The following RPL22 variants were observed in gnomAD, a reference collection of about 807,000 sequenced individuals.
RPL22 encodes the protein large ribosomal subunit protein eL22.
RPL22 carries 4 observed loss-of-function variants against 16.2 expected under a neutral mutation model. The observed-to-expected ratio is 0.25, with a 90% CI of 0.12 to 0.57. The LOEUF (loss-of-function observed/expected upper bound fraction) is 0.57. Ranked by LOEUF, RPL22 falls within the 20% of genes least tolerant of loss-of-function variation. The pLI is 0.92. For synonymous variants in RPL22, 43 were observed against 54.8 expected, an observed-to-expected ratio of 0.78 and a Z score of 0.95; for missense variants, 83 against 156.1, an observed-to-expected ratio of 0.53 and a Z score of 2.49.
Position 6,197,724 on chromosome 1 carries a change from CTT to C in RPL22, c.43_44del (p.Lys15GlufsTer9), listed in dbSNP as rs759765382. 1 of 1,611,904 alleles carries C rather than the reference CTT, an allele frequency of 6.2e-7. No homozygotes were observed. The highest frequency in any genetic ancestry group is 8.5e-7 in the Non-Finnish European group (1 of 1,178,418). On this transcript the variant is annotated frameshift_variant, in exon 2 of 4. Transcript: ENST00000234875. LOFTEE classifies it high-confidence loss of function. ...KKLVVKGGKK[K>X]KQVLKFTLDC... ...CAAGAGTGAACTTCAGAACTTGCTTCTTTTTTTTGCCCCCCTTCACCACAAGC... is the reference window on the plus strand; with the variant it reads ...CAAGAGTGAACTTCAGAACTTGCTTCTTTTTTGCCCCCCTTCACCACAAGC...
intron 1 of RPL22, 41 bp from the exon 2 acceptor site, chr1:6,197,797 T>C: frequency 1.5e-6 from 2 of 1,371,840 alleles, no homozygotes; most frequent in Non-Finnish European, 2.1e-6. Context: ...GAAGTTTCAG[T>C]CAGTCGGAAA....
chr1:6,191,439 G>T (rs866301178), intron 3 of RPL22, among the ~76,000 whole-genome samples: 2 of 148,266 alleles, frequency 1.3e-5, no homozygotes, highest in African/African-American at 2.5e-5. Context: ...AGGCCGAGGC[G>T]GGCGGATCAC....
intron 2 of RPL22, among the ~76,000 whole-genome samples, chr1:6,195,174 G>A (rs925004797): frequency 6.6e-5 from 10 of 150,984 alleles, no homozygotes; most frequent in Non-Finnish European, 1.2e-4. Flanking sequence ...GGCCAGGCGC[G>A]GTGGCTCACG....
In RPL22 at chr1:6,185,030, G is replaced by A. The variant is rs1316578860; in HGVS notation, c.*1642C>T. 1 of 319,890 alleles carries A rather than the reference G, an allele frequency of 3.1e-6. No homozygotes were observed. The highest frequency in any genetic ancestry group is 2.1e-5 in the African/African-American group (1 of 47,294). 19.8% of individuals were successfully genotyped at this position (319,890 alleles called of 1,614,324 possible). A position where few individuals can be genotyped will look rare whatever the true frequency, so the allele number is the denominator to read the frequency against. On this transcript the variant is annotated 3_prime_UTR_variant, in exon 4 of 4. Coordinates refer to ENST00000234875, the MANE Select transcript of RPL22 (RefSeq NM_000983.4). ...AAAAACAAAGCCTCGTACAGTAAGAGTAGCCAGGTGTTAGCCACTTTAATA... is the reference window on the plus strand; with the variant it reads ...AAAAACAAAGCCTCGTACAGTAAGAATAGCCAGGTGTTAGCCACTTTAATA...
At chr1:6,190,749 T>G (rs1667639194) in intron 3 of RPL22, among the ~76,000 whole-genome samples, 1 of 152,208 alleles carries the variant, frequency 6.6e-6, no homozygotes, top group African/African-American at 2.4e-5. Context: ...TATTTTAACC[T>G]CATCCTCAAA....
intron 1 of RPL22, 38 bp from the exon 2 acceptor site, chr1:6,197,794 C>G (rs749984698): frequency 1.4e-6 from 2 of 1,435,374 alleles, no homozygotes; most frequent in Non-Finnish European, 2.0e-6. Context: ...GATGAAGTTT[C>G]AGTCAGTCGG....
chr1:6,194,347 G>A (rs1040034206), intron 2 of RPL22, among the ~76,000 whole-genome samples: 1 of 152,182 alleles, frequency 6.6e-6, no homozygotes, highest in African/African-American at 2.4e-5. Context: ...CAAAGACATA[G>A]GGACTGAAAC....
chr1:6,189,706 G>A (rs1458703434), intron 3 of RPL22, among the ~76,000 whole-genome samples: 3 of 151,400 alleles, frequency 2.0e-5, no homozygotes, highest in South Asian at 4.2e-4. Context: ...GATCACCTGA[G>A]GTCAGGAGTT....
intron 3 of RPL22, among the ~76,000 whole-genome samples, chr1:6,187,616 AAAAAAAAAAAC>A (rs1165745169): frequency 1.1e-4 from 16 of 150,878 alleles, no homozygotes; most frequent in African/African-American, 3.9e-4. Flanking sequence ...TCCATCTCAA[AAAAAAAAAAAC>A]AAAAAAAAAA....
At chr1:6,189,573 A>G (rs1312114904) in intron 3 of RPL22, among the ~76,000 whole-genome samples, 1 of 151,822 alleles carries the variant, frequency 6.6e-6, no homozygotes, top group South Asian at 2.1e-4. Context: ...AAAGGAAAAA[A>G]AAAAATCCCT....
At chr1:6,193,944 G>A (rs755352759) in intron 2 of RPL22, among the ~76,000 whole-genome samples, 27 of 152,190 alleles carry the variant, frequency 1.8e-4, no homozygotes, top group Non-Finnish European at 3.1e-4. Flanking sequence ...TACAAGATAC[G>A]CCTGTAATCC....
chr1:6,191,495 G>A (rs1376588914), intron 3 of RPL22, among the ~76,000 whole-genome samples: 7 of 147,140 alleles, frequency 4.8e-5, no homozygotes, highest in African/African-American at 1.5e-4. Context: ...GTGAAACCCC[G>A]TCTCTACTAA....
chr1:6,199,030 C>T (rs3789520), intron 1 of RPL22: 41,531 of 153,190 alleles, frequency 0.27, 5,955 homozygotes, highest in African/African-American at 0.37. Flanking sequence ...TACACCACTG[C>T]AACACCCGTT....
At chr1:6,190,635 T>G (rs1392127456) in intron 3 of RPL22, among the ~76,000 whole-genome samples, 1 of 152,154 alleles carries the variant, frequency 6.6e-6, no homozygotes, top group African/African-American at 2.4e-5. Flanking sequence ...GACCTCGGCC[T>G]CCCAAAGTGC....
chr1:6,196,102 T>C (rs1667716221), intron 2 of RPL22, among the ~76,000 whole-genome samples: 1 of 152,102 alleles, frequency 6.6e-6, no homozygotes, highest in African/African-American at 2.4e-5. Flanking sequence ...ACAAAAAGTA[T>C]ACATTAACCA....
chr1:6,190,413 T>G (rs1667635583), intron 3 of RPL22, among the ~76,000 whole-genome samples: 1 of 152,242 alleles, frequency 6.6e-6, no homozygotes, highest in Admixed American at 6.5e-5. Flanking sequence ...AGAGTTTCGC[T>G]CTTGTTGCCC....
intron 3 of RPL22, among the ~76,000 whole-genome samples, chr1:6,192,008 A>G (rs1458513045): frequency 6.6e-6 from 1 of 152,038 alleles, no homozygotes; most frequent in East Asian, 1.9e-4. Flanking sequence ...CAAAAAAAAA[A>G]AAAAAAAGTA....
In RPL22 at chr1:6,185,360, C is replaced by A. The variant is rs925360124; in HGVS notation, c.*1312G>T. ...TTGAAAGAAACTCTGCTTTCTGTGA[C>A]GGCAGAGAAGAAATATGCAAGCAAT... On this transcript the variant is annotated 3_prime_UTR_variant, in exon 4 of 4. Transcript: ENST00000234875. 4 of 398,898 alleles carry A rather than the reference C, an allele frequency of 1.0e-5. No individual in the cohort carries two copies. Among genetic ancestry groups the A allele is most frequent in the Non-Finnish European group, 1.8e-5 (4 of 226,080 alleles). The allele number at this position is 398,898 out of a possible 1,614,324, so 24.7% of individuals were successfully genotyped here. A position where few individuals can be genotyped will look rare whatever the true frequency, so the allele number is the denominator to read the frequency against.
At chr1:6,193,563 T>C (rs1485604533) in intron 2 of RPL22, among the ~76,000 whole-genome samples, 1 of 152,066 alleles carries the variant, frequency 6.6e-6, no homozygotes, top group Non-Finnish European at 1.5e-5. Context: ...CTTCAGGTGA[T>C]TCGTCCACCT....
Sources: allele counts gnomAD v4.1 joint callset (sites outside exome capture counted in the v4.1 genomes callset), GRCh38; gene constraint gnomAD v4.1.1; transcripts MANE v1.5; gene names NCBI Gene and HGNC (gene_info 2026-07-23, HGNC 2026-07-21).